Variants in DNAJC3 observed in about 807,000 individuals in gnomAD.
DNAJC3 encodes dnaJ homolog subfamily C member 3.
A neutral mutation model predicts 68.6 loss-of-function variants in DNAJC3; 38 were observed. The ratio of observed to expected loss-of-function variants is 0.55; its 90% confidence interval spans 0.43 to 0.73. The LOEUF (loss-of-function observed/expected upper bound fraction) is 0.73. Ranked by LOEUF, DNAJC3 falls within the 30% of genes least tolerant of loss-of-function variation. The pLI, the probability that DNAJC3 is intolerant of heterozygous loss-of-function variation, is 0.00. For synonymous variants in DNAJC3, 203 were observed against 204.0 expected (o/e 1.00, Z 0.04); for missense variants, 526 against 591.9 (o/e 0.89, Z 1.16).
At chr13:95,692,617 A>G (rs1880303914) in intron 1 of DNAJC3, 2 of 152,100 alleles carry the variant, frequency 1.3e-5, no homozygotes, top group Non-Finnish European at 2.9e-5. Context: ...ATCTGCTTCT[A>G]TCCCCTAATA....
At chr13:95,700,260 C>A (rs1269162082) in intron 1 of DNAJC3, among the ~76,000 whole-genome samples, 6 of 152,134 alleles carry the variant, frequency 3.9e-5, no homozygotes, top group African/African-American at 1.4e-4. Context: ...TACCAGGCAC[C>A]TTTACTTATG....
intron 1 of DNAJC3, among the ~76,000 whole-genome samples, chr13:95,708,823 C>T (rs1046394781): frequency 2.6e-5 from 4 of 152,096 alleles, no homozygotes; most frequent in Non-Finnish European, 5.9e-5. Context: ...ATTGCAGATA[C>T]CTAAAATAGT....
chr13:95,781,979 G>A (rs12877627), intron 9 of DNAJC3, among the ~76,000 whole-genome samples: 1 of 152,050 alleles, frequency 6.6e-6, no homozygotes, highest in South Asian at 2.1e-4. Context: ...CACGGGCCCT[G>A]GTGTGTGATG....
intron 4 of DNAJC3, among the ~76,000 whole-genome samples, 161 bp from the exon 5 acceptor site, chr13:95,757,483 C>T (rs747388131): frequency 2.0e-4 from 31 of 152,130 alleles, no homozygotes; most frequent in Non-Finnish European, 3.4e-4. Context: ...CAAGGGCCTT[C>T]CCTGCTGCAT....
At chr13:95,788,773 C>T (rs1005543279) in intron 11 of DNAJC3, among the ~76,000 whole-genome samples, 11 of 152,174 alleles carry the variant, frequency 7.2e-5, no homozygotes, top group Non-Finnish European at 1.3e-4. Context: ...CCCACCCCTA[C>T]GGAGAGTTCA....
chr13:95,790,598 G>A (rs1359717222), intron 11 of DNAJC3, among the ~76,000 whole-genome samples: 1 of 152,004 alleles, frequency 6.6e-6, no homozygotes, highest in Non-Finnish European at 1.5e-5. Context: ...TATCAAGCTT[G>A]GGTGGCTTCT....
intron 4 of DNAJC3, among the ~76,000 whole-genome samples, chr13:95,726,856 A>G (rs1668698882): frequency 6.6e-6 from 1 of 152,220 alleles, no homozygotes; most frequent in African/African-American, 2.4e-5. Context: ...GAAAACTAAA[A>G]TTTCTAACAT....
chr13:95,728,250 T>G lies in DNAJC3; in HGVS notation c.393+2998T>G, dbSNP rs147596538. Among the ~76,000 whole-genome samples, 4 of 152,366 alleles carry G rather than the reference T, an allele frequency of 2.6e-5. No individual in the cohort carries two copies. In the East Asian group the frequency reaches 7.7e-4, roughly 29 times the overall value. On this transcript the variant is annotated intron_variant, in intron 4 of 11. Transcript: ENST00000602402. ...GAGTGCAGTTACTGGGTTGTATGGTTATTGCATGTTTATTTTGTAAGAAAG... is the reference window on the plus strand; with the variant it reads ...GAGTGCAGTTACTGGGTTGTATGGTGATTGCATGTTTATTTTGTAAGAAAG...
chr13:95,712,374 C>CTTTTT (rs71113952), intron 2 of DNAJC3, among the ~76,000 whole-genome samples: 1 of 135,224 alleles, frequency 7.4e-6, no homozygotes, highest in African/African-American at 2.8e-5. Flanking sequence ...ATGCTTTTTT[C>CTTTTT]TTTTTTTTTT....
At chr13:95,769,042 A>G (rs1013646860) in intron 9 of DNAJC3, among the ~76,000 whole-genome samples, 1 of 149,302 alleles carries the variant, frequency 6.7e-6, no homozygotes, top group Non-Finnish European at 1.5e-5. Context: ...ATCTATATCT[A>G]TATCTATATA....
chr13:95,744,605 G>A (rs1882248577), intron 4 of DNAJC3: 1 of 152,190 alleles, frequency 6.6e-6, no homozygotes. Flanking sequence ...AAATTCATAT[G>A]TATGTACTTT....
chr13:95,691,284 C>T (rs1880249807), intron 1 of DNAJC3, among the ~76,000 whole-genome samples: 1 of 151,138 alleles, frequency 6.6e-6, no homozygotes, highest in Non-Finnish European at 1.5e-5. Flanking sequence ...CGGAGGGGCT[C>T]CTCACTTCTC....
At chr13:95,740,320 G>A (rs1168181427) in intron 4 of DNAJC3, among the ~76,000 whole-genome samples, 1 of 152,248 alleles carries the variant, frequency 6.6e-6, no homozygotes, top group Non-Finnish European at 1.5e-5. Flanking sequence ...AGGCCTCCTT[G>A]AGCTGTGGTG....
intron 1 of DNAJC3, among the ~76,000 whole-genome samples, chr13:95,685,681 G>T (rs182126432): frequency 6.6e-6 from 1 of 151,774 alleles, no homozygotes; most frequent in African/African-American, 2.4e-5. Flanking sequence ...CTTGGTGGTA[G>T]GTTTTTTGTT....
At chr13:95,776,291 A>G (rs1374018921) in intron 9 of DNAJC3, among the ~76,000 whole-genome samples, 2 of 152,206 alleles carry the variant, frequency 1.3e-5, no homozygotes, top group African/African-American at 2.4e-5. Flanking sequence ...ACTTTTATGT[A>G]TAGTAAACTA....
chr13:95,709,363 C>G (rs370854881), intron 2 of DNAJC3, 26 bp downstream of exon 2: 11 of 1,521,448 alleles, frequency 7.2e-6, no homozygotes, highest in African/African-American at 1.4e-5. Flanking sequence ...CCAAATCACT[C>G]AGTGTCTGTC....
chr13:95,692,831 T>TC (rs977723761), intron 1 of DNAJC3: 2 of 150,908 alleles, frequency 1.3e-5, no homozygotes, highest in Non-Finnish European at 3.0e-5. Context: ...GCCTTTTTTT[T>TC]TTTTTTTGAG....
chr13:95,682,559 A>G (rs914840707), intron 1 of DNAJC3, among the ~76,000 whole-genome samples: 3 of 152,000 alleles, frequency 2.0e-5, no homozygotes, highest in African/African-American at 4.8e-5. Flanking sequence ...ATAGTTGGCT[A>G]CTCTACCTTT....
chr13:95,757,894 A>G, intron 5 of DNAJC3, 98 bp downstream of exon 5: 1 of 1,313,240 alleles, frequency 7.6e-7, no homozygotes. Context: ...CCTAGACAGG[A>G]GAAAATCAGG....
Sources: gnomAD v4.1 joint callset for allele counts (sites outside exome capture counted in the v4.1 genomes callset) on GRCh38, gnomAD v4.1.1 for gene constraint, MANE v1.5 for transcripts, NCBI Gene and HGNC (gene_info 2026-07-23, HGNC 2026-07-21) for gene names.